CBLN2: variants seen among roughly 807,000 people sequenced by gnomAD.
The protein encoded by CBLN2 is cerebellin 2 precursor, also known as cerebellin-2.
In CBLN2, 7 loss-of-function variants were observed where a neutral mutation model predicts 15.0. That is an observed-to-expected ratio of 0.47 (90% CI 0.27 to 0.88). The LOEUF (loss-of-function observed/expected upper bound fraction) is 0.88, where lower values mean the gene tolerates loss of function less well. Ranked by LOEUF, CBLN2 falls within the 40% of genes least tolerant of loss-of-function variation. The pLI, the probability that CBLN2 is intolerant of heterozygous loss-of-function variation, is 0.14. For synonymous variants in CBLN2, 149 were observed against 135.2 expected (o/e 1.10, Z -0.71); for missense variants, 242 against 304.5 (o/e 0.79, Z 1.53).
chr18:72,628,044 T>G (rs1174192320), intron 1 of CBLN2, among the ~76,000 whole-genome samples: 1 of 152,240 alleles, frequency 6.6e-6, no homozygotes, highest in Non-Finnish European at 1.5e-5. Context: ...AATATGATTA[T>G]GTAGTCTCTG....
At chr18:72,602,968 G>A (rs989741104) in intron 1 of CBLN2, among the ~76,000 whole-genome samples, 1 of 152,176 alleles carries the variant, frequency 6.6e-6, no homozygotes, top group African/African-American at 2.4e-5. Flanking sequence ...GTGTGCTGGA[G>A]GCAAATAGAA....
chr18:72,565,283 A>T (rs1313760068), intron 1 of CBLN2, among the ~76,000 whole-genome samples: 1 of 152,182 alleles, frequency 6.6e-6, no homozygotes, highest in Non-Finnish European at 1.5e-5. Context: ...CCATTACATT[A>T]TGGTAGTACT....
upstream of CBLN2, among the ~76,000 whole-genome samples, chr18:72,545,756 G>T (rs1340425851): frequency 6.6e-6 from 1 of 152,134 alleles, no homozygotes; most frequent in Non-Finnish European, 1.5e-5. Context: ...CCAATCTGGG[G>T]ATGCTAATTT....
At chr18:72,632,631 C>T (rs1360405786) in intron 1 of CBLN2, among the ~76,000 whole-genome samples, 2 of 152,138 alleles carry the variant, frequency 1.3e-5, no homozygotes, top group Non-Finnish European at 2.9e-5. Context: ...AGATTTTTTA[C>T]AGTATCAGAT....
intron 1 of CBLN2, among the ~76,000 whole-genome samples, chr18:72,619,816 G>A (rs1417943174): frequency 6.6e-6 from 1 of 152,166 alleles, no homozygotes; most frequent in African/African-American, 2.4e-5. Context: ...ATTGAATCAG[G>A]ATATTTTCTT....
chr18:72,592,829 A>G lies in CBLN2; in HGVS notation c.15+45496T>C, dbSNP rs548205792. Among the ~76,000 whole-genome samples, 4 of 152,126 alleles carry G rather than the reference A, an allele frequency of 2.6e-5. No individual in the cohort carries two copies. In the East Asian group the frequency reaches 5.8e-4, roughly 22 times the overall value. On this transcript the variant is annotated intron_variant, in intron 1 of 2. Transcript: ENST00000581073. ...GGTGTGTGGTATTTCTGGCTTCTCT[A>G]TTCTGTTCTATTGGTCTTTGTACCT... is the stretch of plus-strand genomic sequence containing the variant.
chr18:72,627,428 A>C (rs1318695962), intron 1 of CBLN2, among the ~76,000 whole-genome samples: 3 of 152,224 alleles, frequency 2.0e-5, no homozygotes, highest in Admixed American at 6.5e-5. Flanking sequence ...TTATGTAAGA[A>C]GATGTTGCTG....
intron 3 of CBLN2, 137 bp from the exon 4 acceptor site, chr18:72,538,909 G>T: frequency 8.9e-7 from 1 of 1,120,318 alleles, no homozygotes; most frequent in African/African-American, 1.6e-5. Context: ...CAGCATTCTG[G>T]CTTCCCCAGG....
At chr18:72,613,213 T>C (rs556896483) in intron 1 of CBLN2, among the ~76,000 whole-genome samples, 1 of 152,334 alleles carries the variant, frequency 6.6e-6, no homozygotes, top group Admixed American at 6.5e-5. Context: ...ATCACATTGA[T>C]GTGGTAGAGG....
intron 1 of CBLN2, among the ~76,000 whole-genome samples, chr18:72,586,868 C>T (rs968744716): frequency 2.6e-5 from 4 of 152,040 alleles, no homozygotes; most frequent in African/African-American, 7.2e-5. Flanking sequence ...TATTTTAACA[C>T]ACTCTCTCTC....
intron 1 of CBLN2, among the ~76,000 whole-genome samples, chr18:72,578,770 C>T (rs1443072758): frequency 6.6e-6 from 1 of 152,190 alleles, no homozygotes; most frequent in East Asian, 1.9e-4. Flanking sequence ...GTGCTACCTG[C>T]CTAGAAAAAT....
chr18:72,556,366 ATCTG>A (rs929689315), intron 1 of CBLN2, among the ~76,000 whole-genome samples: 11 of 152,222 alleles, frequency 7.2e-5, no homozygotes, highest in African/African-American at 9.6e-5. Context: ...TCCATTTTCT[ATCTG>A]TCTATCAGTG....
intron 1 of CBLN2, among the ~76,000 whole-genome samples, chr18:72,562,087 G>A (rs1173066538): frequency 6.6e-6 from 1 of 152,158 alleles, no homozygotes; most frequent in Non-Finnish European, 1.5e-5. Flanking sequence ...ACCCTTTAGG[G>A]AGCAGTAAGC....
At chr18:72,557,279 C>T (rs1351339298) in intron 1 of CBLN2, among the ~76,000 whole-genome samples, 1 of 152,102 alleles carries the variant, frequency 6.6e-6, no homozygotes, top group Non-Finnish European at 1.5e-5. Flanking sequence ...TATCCAGTCT[C>T]TCATTGATGG....
At chr18:72,546,410 G>C (rs567970759), upstream of CBLN2, among the ~76,000 whole-genome samples, 137 of 151,872 alleles carry the variant, frequency 9.0e-4, 4 homozygotes, top group South Asian at 0.028. Flanking sequence ...GCAGTCCTCC[G>C]GCCTGGGTGA....
At chr18:72,572,948 T>C (rs2069341725) in intron 1 of CBLN2, among the ~76,000 whole-genome samples, 1 of 152,208 alleles carries the variant, frequency 6.6e-6, no homozygotes, top group African/African-American at 2.4e-5. Context: ...CAATCTCTCA[T>C]ATAAATTCCA....
chr18:72,542,421 C>T (rs1016941449), intron 2 of CBLN2, 95 bp from the exon 3 acceptor site: 1 of 218,278 alleles, frequency 4.6e-6, no homozygotes, highest in Non-Finnish European at 8.8e-6. Flanking sequence ...CGGGGGTTCT[C>T]CCCGAAGGCC....
intron 1 of CBLN2, among the ~76,000 whole-genome samples, chr18:72,560,995 C>A (rs868357162): frequency 9.2e-5 from 14 of 151,450 alleles, no homozygotes; most frequent in Non-Finnish European, 1.9e-4. Context: ...GGTGACAGAG[C>A]GAGACTCCGT....
intron 1 of CBLN2, among the ~76,000 whole-genome samples, chr18:72,568,157 G>A (rs886961274): frequency 1.3e-5 from 2 of 152,064 alleles, no homozygotes; most frequent in Admixed American, 6.6e-5. Flanking sequence ...AACCAGTCAC[G>A]TTCTAAGCCA....
Sources: allele counts gnomAD v4.1 joint callset (sites outside exome capture counted in the v4.1 genomes callset), GRCh38; gene constraint gnomAD v4.1.1; transcripts MANE v1.5; gene names NCBI Gene and HGNC (gene_info 2026-07-23, HGNC 2026-07-21).